Variants in SKAP2 observed in about 807,000 individuals in gnomAD.
The protein encoded by SKAP2 is src kinase-associated phosphoprotein 2.
SKAP2 carries 28 observed loss-of-function variants against 54.9 expected under a neutral mutation model. The ratio of observed to expected loss-of-function variants is 0.51; its 90% CI spans 0.38 to 0.70. The LOEUF (loss-of-function observed/expected upper bound fraction) is 0.70. SKAP2 is among the 30% of genes least tolerant of loss of function. The pLI, the probability that SKAP2 is intolerant of heterozygous loss-of-function variation, is 0.00. For missense variants in SKAP2, 356 were observed against 424.1 expected (o/e 0.84, Z 1.41); for synonymous variants, 137 against 134.3 (o/e 1.02, Z -0.14).
At chr7:26,672,851 G>C (rs1288244455) in intron 11 of SKAP2, among the ~76,000 whole-genome samples, 1 of 151,978 alleles carries the variant, frequency 6.6e-6, no homozygotes. Context: ...GAATGAAAAT[G>C]CTTCTTGGAG....
chr7:26,654,890 A>G, the SKAP2 span, among the ~76,000 whole-genome samples: 1 of 152,220 alleles, frequency 6.6e-6, no homozygotes, highest in African/African-American at 2.4e-5. Flanking sequence ...TTCCTTTTGA[A>G]TTGATAACTC....
At chr7:26,848,120 ATTC>A (rs1475602185) in intron 3 of SKAP2, 3 of 152,202 alleles carry the variant, frequency 2.0e-5, no homozygotes, top group Non-Finnish European at 2.9e-5. Flanking sequence ...ACTATTAGCC[ATTC>A]TTTCTGATAT....
At chr7:26,735,632 T>C (rs192842561) in intron 6 of SKAP2, among the ~76,000 whole-genome samples, 139 of 152,352 alleles carry the variant, frequency 9.1e-4, no homozygotes, top group African/African-American at 3.2e-3. Flanking sequence ...TCTGTGCCTC[T>C]ATAATCCATT....
chr7:26,791,859 T>A (rs974736792), intron 4 of SKAP2, among the ~76,000 whole-genome samples: 1 of 152,180 alleles, frequency 6.6e-6, no homozygotes, highest in African/African-American at 2.4e-5. Context: ...TCCATAGAGA[T>A]TTGAAAACAT....
intron 9 of SKAP2, 26 bp downstream of exon 9, chr7:26,725,402 T>C: frequency 1.3e-6 from 2 of 1,584,856 alleles, no homozygotes; most frequent in African/African-American, 2.7e-5. Context: ...CTAAAATCTT[T>C]AAATGAATCA....
chr7:26,739,818 T>C, intron 5 of SKAP2, 69 bp downstream of exon 5: 1 of 1,096,692 alleles, frequency 9.1e-7, no homozygotes, highest in Non-Finnish European at 1.4e-6. Context: ...CCTCCACATG[T>C]ATACTACAAA....
At chr7:26,828,070 A>C (rs578143637) in intron 4 of SKAP2, among the ~76,000 whole-genome samples, 1 of 152,336 alleles carries the variant, frequency 6.6e-6, no homozygotes, top group Non-Finnish European at 1.5e-5. Context: ...CCATTTTTCT[A>C]AGACCATGAT....
At chr7:26,713,709 C>G (rs1004901971) in intron 9 of SKAP2, among the ~76,000 whole-genome samples, 2 of 151,974 alleles carry the variant, frequency 1.3e-5, no homozygotes, top group African/African-American at 4.8e-5. Context: ...ACACCATTCT[C>G]CTGCCTCAGC....
intron 9 of SKAP2, among the ~76,000 whole-genome samples, chr7:26,714,282 G>C (rs1378348631): frequency 6.6e-6 from 1 of 152,108 alleles, no homozygotes; most frequent in Admixed American, 6.5e-5. Context: ...CCTTGCAACT[G>C]AATGTCCTTA....
downstream of SKAP2, among the ~76,000 whole-genome samples, chr7:26,666,079 T>C (rs1786100944): frequency 1.3e-5 from 2 of 152,116 alleles, no homozygotes; most frequent in Admixed American, 6.6e-5. Context: ...TGATCTCCAC[T>C]CTTCACCACC....
intron 9 of SKAP2, among the ~76,000 whole-genome samples, chr7:26,713,800 T>C (rs1042037598): frequency 1.3e-5 from 2 of 152,050 alleles, no homozygotes; most frequent in East Asian, 1.9e-4. Context: ...GGGGTTTCAC[T>C]GTGTTAGCCA....
chr7:26,735,803 A>G (rs1476243773), intron 6 of SKAP2, among the ~76,000 whole-genome samples: 1 of 152,204 alleles, frequency 6.6e-6, no homozygotes, highest in East Asian at 1.9e-4. Flanking sequence ...TCCTGGTAAG[A>G]AAAAGATATA....
intron 9 of SKAP2, among the ~76,000 whole-genome samples, chr7:26,697,633 C>T (rs2127944753): frequency 6.6e-6 from 1 of 151,610 alleles, no homozygotes; most frequent in Non-Finnish European, 1.5e-5. Context: ...ATTTCTGATA[C>T]AATTACAGCT....
chr7:26,679,231 ACCTTTTGC>A (rs1786427657), intron 11 of SKAP2, among the ~76,000 whole-genome samples: 1 of 152,090 alleles, frequency 6.6e-6, no homozygotes, highest in South Asian at 2.1e-4. Flanking sequence ...TCCTATAAGC[ACCTTTTGC>A]TTTCATCTGC....
intron 4 of SKAP2, among the ~76,000 whole-genome samples, chr7:26,810,710 T>C (rs868254423): frequency 1.3e-5 from 2 of 152,136 alleles, no homozygotes; most frequent in African/African-American, 4.8e-5. Flanking sequence ...TGAGACACAG[T>C]CTCACTCTGT....
At chr7:26,858,519 G>C (rs1252123826) in intron 1 of SKAP2, among the ~76,000 whole-genome samples, 1 of 152,162 alleles carries the variant, frequency 6.6e-6, no homozygotes, top group Non-Finnish European at 1.5e-5. Flanking sequence ...ATCTTGAGCA[G>C]TTTAAGTTAG....
chr7:26,857,855 A>C, intron 1 of SKAP2: 1 of 406,620 alleles, frequency 2.5e-6, no homozygotes, highest in Non-Finnish European at 3.3e-6. Context: ...TTGTGCTCTA[A>C]ATAGCCCTGC....
chr7:26,664,337 C>T (rs1786069833), downstream of SKAP2, among the ~76,000 whole-genome samples: 1 of 152,072 alleles, frequency 6.6e-6, no homozygotes, highest in Non-Finnish European at 1.5e-5. Context: ...TAAATGTTAG[C>T]TATTACTATT....
intron 1 of SKAP2, among the ~76,000 whole-genome samples, chr7:26,855,868 T>C (rs1785151739): frequency 1.3e-5 from 2 of 152,158 alleles, no homozygotes; most frequent in South Asian, 4.1e-4. Flanking sequence ...TAAGTAGGCA[T>C]GGCTATAAAT....
Sources: gnomAD v4.1 joint callset for allele counts (sites outside exome capture counted in the v4.1 genomes callset) on GRCh38, gnomAD v4.1.1 for gene constraint, MANE v1.5 for transcripts, NCBI Gene and HGNC (gene_info 2026-07-23, HGNC 2026-07-21) for gene names.